The following CAMTA1 variants were observed in gnomAD, a reference collection of about 807,000 sequenced individuals.
CAMTA1 encodes the protein calmodulin binding transcription activator 1.
Under a neutral mutation model 170.9 loss-of-function variants are expected in CAMTA1, and 27 were observed. The observed-to-expected ratio is 0.16, with a 90% CI of 0.12 to 0.22. The LOEUF (loss-of-function observed/expected upper bound fraction) is 0.22. Among genes scored for constraint, CAMTA1 ranks in the 10% least tolerant of loss-of-function variants. The pLI is 1.00. For synonymous variants in CAMTA1, 833 were observed against 891.5 expected, an observed-to-expected ratio of 0.93 and a Z score of 1.17; for missense variants, 1,619 against 2,217.2, an observed-to-expected ratio of 0.73 and a Z score of 5.42.
rs1331066250 is a variant in CAMTA1 at position 7,547,821 on chromosome 1, C to T, written c.510+79920C>T. Among the ~76,000 whole-genome samples, 3 of 148,934 alleles carry T rather than the reference C, an allele frequency of 2.0e-5. No individual in the cohort carries two copies. The highest frequency in any genetic ancestry group is 2.2e-4 in the South Asian group (1 of 4,612). On this transcript the variant is annotated intron_variant, in intron 6 of 22. Coordinates refer to ENST00000303635, the MANE Select transcript of CAMTA1 (RefSeq NM_015215.4). This position sits in a 1 kb window ranked among gnomAD's most constrained non-coding sequence, Gnocchi z 5.7. ...CAACCAGTCTCACATCTCTGCCACC[C>T]CATGTGGGCCCCCTCCAAACCCAGA...
At chr1:7,536,400 A>G (rs567733454) in intron 6 of CAMTA1, among the ~76,000 whole-genome samples, 1 of 152,118 alleles carries the variant, frequency 6.6e-6, no homozygotes, top group East Asian at 1.9e-4. Context: ...CCCTGGGTTC[A>G]CTCTGCGTCC....
chr1:7,636,236 A>AGT (rs2095711233), intron 6 of CAMTA1, among the ~76,000 whole-genome samples: 1 of 152,166 alleles, frequency 6.6e-6, no homozygotes, highest in African/African-American at 2.4e-5. Flanking sequence ...TAGTTACTGA[A>AGT]GTGGGATCCA....
chr1:7,361,381 G>A (rs1192426808), intron 5 of CAMTA1, among the ~76,000 whole-genome samples: 1 of 152,208 alleles, frequency 6.6e-6, no homozygotes. Context: ...ATCTTCAGGG[G>A]AGAAGTTGGT....
chr1:7,735,459 A>G lies in CAMTA1; in HGVS notation c.3067-885A>G, dbSNP rs1279865449. 1.1e-4 allele frequency among the ~76,000 whole-genome samples: 17 copies of G among 151,828 alleles called. No individual in the cohort carries two copies. The East Asian group carries it at 2.7e-3, about 24-fold the overall frequency. On this transcript the variant is annotated intron_variant, in intron 12 of 22. Transcript: ENST00000303635. ...GACTCTGTCTCAAAAAAAAAAAAAA[A>G]GAAAAAAGAAGAAGAAGAAAGAGAG...
intron 5 of CAMTA1, among the ~76,000 whole-genome samples, chr1:7,420,733 C>T (rs754276188): frequency 2.6e-5 from 4 of 152,244 alleles, no homozygotes; most frequent in Non-Finnish European, 5.9e-5. Flanking sequence ...TTCTTTGAGC[C>T]TCCAAGCTGG....
chr1:7,547,460 GA>G lies in CAMTA1; in HGVS notation c.510+79566del, dbSNP rs963192478. Among the ~76,000 whole-genome samples the G allele has an allele frequency of 6.6e-6, 1 of 151,126 alleles. No homozygotes were observed. The highest frequency in any genetic ancestry group is 1.5e-5 in the Non-Finnish European group (1 of 67,898). On this transcript the variant is annotated intron_variant, in intron 6 of 22. Coordinates refer to ENST00000303635, the MANE Select transcript of CAMTA1 (RefSeq NM_015215.4). The surrounding 1 kb of genome is among the most constrained non-coding windows in gnomAD (Gnocchi z 5.7). ...CCAACAACGGGCCAAAAATATCCAG[GA>G]AAAAAATTGCATTTGTACCAAACAT...
At chr1:7,002,173 G>T (rs561740928) in intron 3 of CAMTA1, among the ~76,000 whole-genome samples, 1 of 152,152 alleles carries the variant, frequency 6.6e-6, no homozygotes, top group African/African-American at 2.4e-5. Flanking sequence ...GAGATTACAA[G>T]TGTTAGCCAC....
rs527578202 is a variant in CAMTA1 at position 7,377,267 on chromosome 1, A to T, written c.439-90563A>T. Among the ~76,000 whole-genome samples, 57 of 152,228 alleles carry T rather than the reference A, an allele frequency of 3.7e-4. 1 individual carries two copies. Among genetic ancestry groups the T allele is most frequent in the Non-Finnish European group, 7.6e-4 (52 of 68,042 alleles). ...AGCAGCAATTAACACCGTCCTCGCT[A>T]TGGGGAGACAGACAAGTAATAAATG... On this transcript the variant is annotated intron_variant, in intron 5 of 22. Transcript: ENST00000303635.
intron 5 of CAMTA1, among the ~76,000 whole-genome samples, chr1:7,389,040 C>CGAGAGG (rs1279838481): frequency 2.6e-5 from 4 of 152,202 alleles, no homozygotes; most frequent in African/African-American, 7.2e-5. Context: ...CACTGCACGG[C>CGAGAGG]GAGAGGGAGG....
intron 5 of CAMTA1, among the ~76,000 whole-genome samples, chr1:7,407,599 G>A (rs1416355049): frequency 6.6e-6 from 1 of 152,182 alleles, no homozygotes; most frequent in East Asian, 1.9e-4. Flanking sequence ...GGTGTTGGGG[G>A]GTGACTGCAA....
rs943162663 is a variant in CAMTA1, at chr1:7,642,574, C to T, written c.664+2021C>T. ...ACTGGGTCCTGCCTAGACCCCGCCC[C>T]AGGGGGCCTACTGATACTTTCTCTG... On this transcript the variant is annotated intron_variant, in intron 7 of 22. Coordinates refer to ENST00000303635, the MANE Select transcript of CAMTA1 (RefSeq NM_015215.4). This position sits in a 1 kb window ranked among gnomAD's most constrained non-coding sequence, Gnocchi z 6.3. Among the ~76,000 whole-genome samples, 1 of 152,174 alleles carries T rather than the reference C, an allele frequency of 6.6e-6. No individual in the cohort carries two copies. Among genetic ancestry groups the T allele is most frequent in the African/African-American group, 2.4e-5 (1 of 41,444 alleles).
intron 4 of CAMTA1, among the ~76,000 whole-genome samples, chr1:7,187,302 G>A (rs944118288): frequency 6.6e-6 from 1 of 152,154 alleles, no homozygotes; most frequent in African/African-American, 2.4e-5. Flanking sequence ...CAGTGGTGGT[G>A]TCTGCATACT....
At chr1:7,669,276 C>T (rs2096032903) in intron 9 of CAMTA1, among the ~76,000 whole-genome samples, 1 of 152,228 alleles carries the variant, frequency 6.6e-6, no homozygotes, top group Admixed American at 6.5e-5. Flanking sequence ...CCTGGGAGAG[C>T]CCCTTCCGTG....
intron 5 of CAMTA1, among the ~76,000 whole-genome samples, chr1:7,385,598 G>A (rs1052211215): frequency 6.6e-6 from 1 of 152,172 alleles, no homozygotes; most frequent in Non-Finnish European, 1.5e-5. Flanking sequence ...GCCCCGGGGG[G>A]AAGAGTGCTG....
chr1:7,262,283 C>T lies in CAMTA1; in HGVS notation c.438+12657C>T, dbSNP rs191798289. On this transcript the variant is annotated intron_variant, in intron 5 of 22. Transcript: ENST00000303635. ...ATAGTTCAAAGAGTCTTAAATGGGC[C>T]GGGCGCGGTGGCTCACGTCTGTAAT... Among the ~76,000 whole-genome samples, 803 of 152,126 alleles carry T rather than the reference C, an allele frequency of 5.3e-3. 6 individuals are homozygous for T. The highest frequency in any genetic ancestry group is 5.6e-3 in the Non-Finnish European group (382 of 68,002).
intron 6 of CAMTA1, among the ~76,000 whole-genome samples, chr1:7,558,773 C>T (rs1044932615): frequency 3.9e-5 from 6 of 152,192 alleles, no homozygotes; most frequent in Admixed American, 1.3e-4. Context: ...ACTCGCCTGC[C>T]GAGGCTGTCA....
At chr1:7,740,097 G>A (rs564944653) in intron 16 of CAMTA1, among the ~76,000 whole-genome samples, 20 of 152,154 alleles carry the variant, frequency 1.3e-4, no homozygotes, top group African/African-American at 4.3e-4. Context: ...AGTTCAACAT[G>A]AGATTTTGGT....
intron 3 of CAMTA1, among the ~76,000 whole-genome samples, chr1:6,992,886 A>G (rs969863277): frequency 6.6e-6 from 1 of 152,244 alleles, no homozygotes; most frequent in Admixed American, 6.5e-5. Context: ...CCATGTCACC[A>G]TCTCAGATTA....
At chr1:7,068,362 C>T (rs781063072) in intron 3 of CAMTA1, among the ~76,000 whole-genome samples, 13 of 151,804 alleles carry the variant, frequency 8.6e-5, no homozygotes, top group Non-Finnish European at 4.4e-5. Context: ...TCTTGTATGT[C>T]GTGGGATATC....
Sources: gnomAD v4.1 joint callset for allele counts (sites outside exome capture counted in the v4.1 genomes callset) on GRCh38, gnomAD v4.1.1 for gene constraint, Gnocchi (gnomAD v3.1) non-coding constraint, MANE v1.5 for transcripts, NCBI Gene and HGNC (gene_info 2026-07-23, HGNC 2026-07-21) for gene names.